MTERF4: variants seen among roughly 807,000 people sequenced by gnomAD.
MTERF4 encodes the protein transcription termination factor 4, mitochondrial.
In MTERF4, 17 loss-of-function variants were observed where a neutral mutation model predicts 22.5. The ratio of observed to expected loss-of-function variants is 0.75; its 90% CI spans 0.52 to 1.13. MTERF4 has a LOEUF of 1.13. Among genes scored for constraint, MTERF4 ranks in the 50% most tolerant of loss-of-function variants. The pLI is 0.00. For missense variants in MTERF4, 420 were observed against 466.8 expected, an observed-to-expected ratio of 0.90 and a Z score of 0.92; for synonymous variants, 165 against 175.3, an observed-to-expected ratio of 0.94 and a Z score of 0.47.
intron 1 of MTERF4, 77 bp downstream of exon 1, chr2:241,102,176 C>A: frequency 6.5e-7 from 1 of 1,542,980 alleles, no homozygotes; most frequent in Non-Finnish European, 8.8e-7. Context: ...GTGAAACACT[C>A]GGCGGCCGCG....
At chr2:241,066,593 TG>T in the MTERF4 span, among the ~76,000 whole-genome samples, 1 of 146,008 alleles carries the variant, frequency 6.8e-6, no homozygotes, top group African/African-American at 2.5e-5. Flanking sequence ...GAGGAAAAGG[TG>T]CTGAGAGCAC....
downstream of MTERF4, among the ~76,000 whole-genome samples, chr2:241,085,545 T>C (rs904007295): frequency 1.3e-5 from 2 of 152,204 alleles, no homozygotes; most frequent in Non-Finnish European, 2.9e-5. Context: ...CATCTGCTAT[T>C]TCTGTCATCA....
chr2:241,043,878 T>G, the MTERF4 span, among the ~76,000 whole-genome samples: 1 of 152,160 alleles, frequency 6.6e-6, no homozygotes, highest in South Asian at 2.1e-4. Flanking sequence ...TAAAAATTGA[T>G]GGCAGGCAAG....
chr2:241,086,494 C>T (rs1215966334), downstream of MTERF4, among the ~76,000 whole-genome samples: 4 of 152,220 alleles, frequency 2.6e-5, no homozygotes. Context: ...GGCTGAATTC[C>T]AGGCTGACCA....
chr2:241,049,787 C>T, the MTERF4 span: 1 of 1,569,886 alleles, frequency 6.4e-7, no homozygotes. Flanking sequence ...GGCGTAAGCT[C>T]CAGGACCACC....
chr2:241,065,713 AAGAC>A, the MTERF4 span: 2 of 885,820 alleles, frequency 2.3e-6, no homozygotes, highest in South Asian at 3.4e-5. Context: ...TTGCAGCAGC[AAGAC>A]AGACAGCTGA....
rs778173954 is a variant in MTERF4, at chr2:241,096,677, G to A, written c.706-239C>T. 1.5e-6 allele frequency: 1 copy of A among 682,362 alleles called. No individual in the cohort carries two copies. The highest frequency in any genetic ancestry group is 1.5e-5 in the South Asian group (1 of 66,338). The allele number at this position is 682,362 out of a possible 1,614,324, so 42.3% of individuals were successfully genotyped here. On this transcript the variant is annotated intron_variant, in intron 3 of 3. Coordinates refer to ENST00000391980, the MANE Select transcript of MTERF4 (RefSeq NM_182501.4). The surrounding 1 kb of genome is among the most constrained non-coding windows in gnomAD (Gnocchi z 5.1). ...AAAGGGGTGGGAGGGAAAAGGGGCA[G>A]GAGGGAGAAGGGGCAGAAGGAAGAG...
intron 2 of MTERF4, among the ~76,000 whole-genome samples, chr2:241,098,198 G>T (rs2064542848): frequency 6.6e-6 from 1 of 152,170 alleles, no homozygotes; most frequent in African/African-American, 2.4e-5. Context: ...TTCAGTTTAG[G>T]TTTATCTTCA....
At chr2:241,072,715 C>T in exon 5 of MTERF4, 1 of 195,884 alleles carries the variant, frequency 5.1e-6, no homozygotes, top group Non-Finnish European at 1.1e-5. Flanking sequence ...GCCCGGGATG[C>T]CCAGTGGTGG....
At chr2:241,097,537 T>G in intron 2 of MTERF4, 110 bp from the exon 3 acceptor site, 1 of 1,033,372 alleles carries the variant, frequency 9.7e-7, no homozygotes, top group Non-Finnish European at 1.4e-6. Flanking sequence ...AAGGATCCTC[T>G]CCTTCCACAG....
In MTERF4 at chr2:241,102,274, A is replaced by C; in HGVS notation, c.-1T>G. 3 of 1,549,490 alleles carry C rather than the reference A, an allele frequency of 1.9e-6. No homozygotes were observed. Among genetic ancestry groups the C allele is most frequent in the Non-Finnish European group, 2.6e-6 (3 of 1,145,968 alleles). ...TTACCTGACGGCCGAACGCAGCCATAGCGCGGAGAAGATGGCAGCAGTTAC... is the reference window on the plus strand; with the variant it reads ...TTACCTGACGGCCGAACGCAGCCATCGCGCGGAGAAGATGGCAGCAGTTAC... On this transcript the variant is annotated 5_prime_UTR_variant, in exon 1 of 4. Coordinates refer to ENST00000391980, the MANE Select transcript of MTERF4 (RefSeq NM_182501.4).
Position 241,096,110 on chromosome 2 carries a change from T to G in MTERF4, c.1034A>C (p.Asp345Ala). The G allele has an allele frequency of 6.2e-7, 1 of 1,607,536 alleles. No individual in the cohort carries two copies. Among genetic ancestry groups the G allele is most frequent in the South Asian group, 1.1e-5 (1 of 91,056 alleles). ...CTCATCATTGTCCTCCTCATCATCG[T>G]CATCCTCATCCTCATCCAGACTTGC... is the stretch of plus-strand genomic sequence containing the variant. The part of the protein sequence containing the change: ...KRASLDEDED[D>A]DDEEDNDEDD... The change falls in exon 4 of 4, where the codon GAC (aspartate) becomes GCC (alanine). Residue 345 changes from aspartate (D) to alanine (A), a missense_variant. Physicochemically the swap from Asp to Ala is moderately radical, Grantham distance 126. Coordinates refer to ENST00000391980, the MANE Select transcript of MTERF4 (RefSeq NM_182501.4). This position sits in a 1 kb window ranked among gnomAD's most constrained non-coding sequence, Gnocchi z 5.1.
At chr2:241,078,517 C>T (rs527814784) in intron 4 of MTERF4, among the ~76,000 whole-genome samples, 1 of 151,908 alleles carries the variant, frequency 6.6e-6, no homozygotes, top group South Asian at 2.1e-4. Flanking sequence ...TGAAAACATG[C>T]TAAGTGGAAG....
chr2:241,054,380 C>T, the MTERF4 span, among the ~76,000 whole-genome samples: 38 of 152,164 alleles, frequency 2.5e-4, no homozygotes, highest in Admixed American at 3.9e-4. Flanking sequence ...CCAGCAAGGG[C>T]AACATAGGGA....
At chr2:241,098,455 C>T (rs1366291299) in intron 2 of MTERF4, among the ~76,000 whole-genome samples, 1 of 152,132 alleles carries the variant, frequency 6.6e-6, no homozygotes, top group Non-Finnish European at 1.5e-5. Context: ...CTCCTCTGGT[C>T]AAAGTGGGTA....
intron 2 of MTERF4, among the ~76,000 whole-genome samples, chr2:241,098,326 T>G (rs1008841563): frequency 4.6e-5 from 7 of 152,238 alleles, no homozygotes; most frequent in African/African-American, 1.7e-4. Context: ...CTTTTTCTTA[T>G]CTTCTAGAGA....
downstream of MTERF4, chr2:241,071,710 C>CCCCCCCCCCCGGGAA: frequency 6.8e-7 from 1 of 1,470,604 alleles, no homozygotes; most frequent in Non-Finnish European, 9.2e-7. Context: ...GACCCCCACC[C>CCCCCCCCCCCGGGAA]AGCCCCCCAG....
At chr2:241,088,698 T>G, downstream of MTERF4, 2 of 418,084 alleles carry the variant, frequency 4.8e-6, no homozygotes, top group South Asian at 4.2e-5. Context: ...AAGAAACCCC[T>G]AGATCAGCTG....
the MTERF4 span, chr2:241,053,272 C>A: frequency 6.2e-7 from 1 of 1,602,980 alleles, no homozygotes; most frequent in South Asian, 1.1e-5. Context: ...CGCCCCCAGC[C>A]GCATCCGGGT....
Sources: allele counts gnomAD v4.1 joint callset (sites outside exome capture counted in the v4.1 genomes callset), GRCh38; gene constraint gnomAD v4.1.1; non-coding constraint Gnocchi (gnomAD v3.1); transcripts MANE v1.5; gene names NCBI Gene and HGNC (gene_info 2026-07-23, HGNC 2026-07-21).